Variants in CDH4 observed in about 807,000 individuals in gnomAD.
The protein encoded by CDH4 is cadherin-4.
In CDH4, 33 loss-of-function variants were observed where a neutral mutation model predicts 86.0. The ratio of observed to expected loss-of-function variants is 0.38; its 90% CI spans 0.29 to 0.51. CDH4 has a LOEUF of 0.51. CDH4 is among the 20% of genes least tolerant of loss of function. The probability of loss-of-function intolerance (pLI) is 0.86; values close to 1 mark genes in which losing one functional copy is unlikely to be tolerated. For synonymous variants in CDH4, 555 were observed against 549.4 expected (o/e 1.01, Z -0.14); for missense variants, 1,114 against 1,307.4 (o/e 0.85, Z 2.28).
At chr20:61,639,487 TA>T (rs777224205) in intron 2 of CDH4, among the ~76,000 whole-genome samples, 26 of 152,364 alleles carry the variant, frequency 1.7e-4, no homozygotes, top group Middle Eastern at 3.4e-3. Context: ...TTACAGTTCC[TA>T]ACCTGAAATA....
In CDH4 at chr20:61,708,078, G is replaced by C. The variant is rs376312561; in HGVS notation, c.170-35485G>C. Among the ~76,000 whole-genome samples, 161 of 152,254 alleles carry C rather than the reference G, an allele frequency of 1.1e-3. 4 individuals are homozygous for C. In the South Asian group the frequency reaches 0.021, roughly 20 times the overall value. On this transcript the variant is annotated intron_variant, in intron 2 of 15. Coordinates refer to ENST00000614565, the MANE Select transcript of CDH4 (RefSeq NM_001794.5). The surrounding 1 kb of genome is among the most constrained non-coding windows in gnomAD (Gnocchi z 4.5). ...GGCTGTGCCCTGGACCCAGGACCTGGGCTCTGCTGGGGGTCCCGGGCTGTG... is the reference window on the plus strand; with the variant it reads ...GGCTGTGCCCTGGACCCAGGACCTGCGCTCTGCTGGGGGTCCCGGGCTGTG...
intron 4 of CDH4, among the ~76,000 whole-genome samples, chr20:61,839,730 GTGT>G (rs1568843249): frequency 1.3e-5 from 2 of 151,668 alleles, no homozygotes; most frequent in Admixed American, 6.6e-5. Flanking sequence ...TTGAGTGTGT[GTGT>G]TGTGTGTACA....
chr20:61,434,456 C>T (rs750488773), intron 2 of CDH4, among the ~76,000 whole-genome samples: 1 of 152,106 alleles, frequency 6.6e-6, no homozygotes, highest in Non-Finnish European at 1.5e-5. Context: ...ATAGATTGCA[C>T]GTTCACCGCG....
chr20:61,653,834 G>A (rs6121746), intron 2 of CDH4, among the ~76,000 whole-genome samples: 1,878 of 130,706 alleles, frequency 0.014, 118 homozygotes, highest in African/African-American at 0.048. Flanking sequence ...GATGGCGGCC[G>A]GGCAGAGACG....
chr20:61,425,690 G>GGAAGGATGGCCAATT (rs1451693075), intron 2 of CDH4, among the ~76,000 whole-genome samples: 1 of 152,226 alleles, frequency 6.6e-6, no homozygotes, highest in Non-Finnish European at 1.5e-5. Flanking sequence ...CCCTGCCCAG[G>GGAAGGATGGCCAATT]GCAGGATGGC....
intron 3 of CDH4, among the ~76,000 whole-genome samples, chr20:61,759,181 A>G (rs2088602875): frequency 6.6e-6 from 1 of 152,178 alleles, no homozygotes; most frequent in Admixed American, 6.5e-5. Flanking sequence ...CCTGCAGGTG[A>G]TGAAAGTAAA....
chr20:61,819,672 G>A (rs1286298641), intron 4 of CDH4, among the ~76,000 whole-genome samples: 1 of 152,176 alleles, frequency 6.6e-6, no homozygotes, highest in Non-Finnish European at 1.5e-5. Flanking sequence ...CTGCTGATTG[G>A]TATAATTTAT....
intron 2 of CDH4, among the ~76,000 whole-genome samples, chr20:61,374,547 G>T (rs2084856568): frequency 6.6e-6 from 1 of 152,198 alleles, no homozygotes; most frequent in Non-Finnish European, 1.5e-5. Flanking sequence ...TGTGAGATGG[G>T]ATGACGGTAG....
chr20:61,595,700 A>G (rs2086552431), intron 2 of CDH4, among the ~76,000 whole-genome samples: 1 of 152,134 alleles, frequency 6.6e-6, no homozygotes, highest in Admixed American at 6.5e-5. Flanking sequence ...GCTCGTTTCG[A>G]TACTAGAGGC....
At chr20:61,325,665 G>A (rs2084533181) in intron 2 of CDH4, among the ~76,000 whole-genome samples, 1 of 152,060 alleles carries the variant, frequency 6.6e-6, no homozygotes, top group African/African-American at 2.4e-5. Flanking sequence ...GGGGGCCACA[G>A]CAAAGCGGGC....
chr20:61,868,423 C>A (rs563107681), intron 6 of CDH4, among the ~76,000 whole-genome samples: 1 of 152,120 alleles, frequency 6.6e-6, no homozygotes, highest in Non-Finnish European at 1.5e-5. Context: ...CAGGGGCCAA[C>A]AAGGGGTGAG....
intron 2 of CDH4, among the ~76,000 whole-genome samples, chr20:61,668,970 G>A (rs971203117): frequency 6.6e-6 from 1 of 152,212 alleles, no homozygotes; most frequent in African/African-American, 2.4e-5. Flanking sequence ...ACAACCCTGG[G>A]AAGCCAGTGG....
intron 8 of CDH4, among the ~76,000 whole-genome samples, chr20:61,899,542 C>T (rs138667396): frequency 0.019 from 2,895 of 152,196 alleles, 81 homozygotes; most frequent in African/African-American, 0.066. Flanking sequence ...ATTCTCCTAC[C>T]TCAGCCTCCC....
At chr20:61,734,639 G>A (rs2088237945) in intron 2 of CDH4, among the ~76,000 whole-genome samples, 1 of 152,204 alleles carries the variant, frequency 6.6e-6, no homozygotes, top group East Asian at 1.9e-4. Context: ...TTTTCCTTCA[G>A]CAGGTTGAGT....
At chr20:61,749,886 C>A (rs1454012454) in intron 3 of CDH4, among the ~76,000 whole-genome samples, 3 of 152,122 alleles carry the variant, frequency 2.0e-5, no homozygotes, top group African/African-American at 7.2e-5. Flanking sequence ...CGTGGTGAAA[C>A]CCTGTCTCTA....
intron 2 of CDH4, among the ~76,000 whole-genome samples, chr20:61,366,580 G>T (rs555541190): frequency 2.0e-5 from 3 of 152,346 alleles, no homozygotes; most frequent in East Asian, 3.9e-4. Flanking sequence ...TTAACTAAAA[G>T]TACCCCTTAT....
At chr20:61,587,796 A>G (rs990236405) in intron 2 of CDH4, among the ~76,000 whole-genome samples, 1 of 152,136 alleles carries the variant, frequency 6.6e-6, no homozygotes. Context: ...ACTATTATTT[A>G]TTGTTTTTTT....
intron 4 of CDH4, among the ~76,000 whole-genome samples, chr20:61,794,890 A>C (rs1337148595): frequency 6.6e-6 from 1 of 152,030 alleles, no homozygotes; most frequent in African/African-American, 2.4e-5. Flanking sequence ...TATAGGAAGA[A>C]CGTCAAACTG....
intron 2 of CDH4, among the ~76,000 whole-genome samples, chr20:61,479,189 T>C (rs903642514): frequency 1.3e-5 from 2 of 149,072 alleles, no homozygotes; most frequent in Non-Finnish European, 3.0e-5. Flanking sequence ...TTTGTTTTTT[T>C]GTTTTATGCA....
Sources: gnomAD v4.1 joint callset for allele counts (sites outside exome capture counted in the v4.1 genomes callset) on GRCh38, gnomAD v4.1.1 for gene constraint, Gnocchi (gnomAD v3.1) non-coding constraint, MANE v1.5 for transcripts, NCBI Gene and HGNC (gene_info 2026-07-23, HGNC 2026-07-21) for gene names.